FAM169A: variants seen among roughly 807,000 people sequenced by gnomAD.
FAM169A encodes the protein family with sequence similarity 169 member A.
Under a neutral mutation model 75.7 loss-of-function variants are expected in FAM169A, and 24 were observed. The observed-to-expected ratio is 0.32, with a 90% CI of 0.23 to 0.45. FAM169A has a LOEUF of 0.45. Ranked by LOEUF, FAM169A falls within the 20% of genes least tolerant of loss-of-function variation. The pLI, the probability that FAM169A is intolerant of heterozygous loss-of-function variation, is 1.00. For synonymous variants in FAM169A, 271 were observed against 271.0 expected, an observed-to-expected ratio of 1.00 and a Z score of 0.00; for missense variants, 673 against 784.0, an observed-to-expected ratio of 0.86 and a Z score of 1.69.
chr5:74,781,337 T>C lies in FAM169A; in HGVS notation c.*123A>G. The C allele has an allele frequency of 1.2e-6, 1 of 838,702 alleles. No homozygotes were observed. Among genetic ancestry groups the C allele is most frequent in the Non-Finnish European group, 1.9e-6 (1 of 536,652 alleles). 52.0% of individuals were successfully genotyped at this position (838,702 alleles called of 1,614,324 possible). On this transcript the variant is annotated 3_prime_UTR_variant, in exon 13 of 13. Coordinates refer to ENST00000687041, the MANE Select transcript of FAM169A (RefSeq NM_001376049.1). ...GGGAAGCAAAAAACTGCATAGTAAG[T>C]AAGTTCAAATTGAAATTTTGGAAAT... is the stretch of plus-strand genomic sequence containing the variant.
intron 6 of FAM169A, among the ~76,000 whole-genome samples, chr5:74,805,524 C>CTTTTTTTTTTTTTTTTTTTTTTTTTTT (rs1194674402): frequency 6.1e-5 from 5 of 81,934 alleles, no homozygotes; most frequent in African/African-American, 2.7e-4. Flanking sequence ...ATGTGCTTCG[C>CTTTTTTTTTTTTTTTTTTTTTTTTTTT]TTTTTTTTTT....
At chr5:74,795,351 T>C (rs1746215388) in intron 11 of FAM169A, among the ~76,000 whole-genome samples, 2 of 152,078 alleles carry the variant, frequency 1.3e-5, no homozygotes, top group South Asian at 4.2e-4. Flanking sequence ...TTTCAAGAAA[T>C]TTATGAACAT....
At chr5:74,794,409 T>C (rs1472314642) in intron 11 of FAM169A, among the ~76,000 whole-genome samples, 1 of 136,284 alleles carries the variant, frequency 7.3e-6, no homozygotes, top group African/African-American at 2.8e-5. Context: ...AAAAAAGAAA[T>C]ATTACGAAAA....
At position 74,781,129 on chromosome 5, in the gene FAM169A, T is replaced by C. The variant is rs1224734355; in HGVS notation, c.*331A>G. On this transcript the variant is annotated 3_prime_UTR_variant, in exon 13 of 13. Coordinates refer to ENST00000687041, the MANE Select transcript of FAM169A (RefSeq NM_001376049.1). Reference sequence around the variant, plus strand: ...CTGTGATCCTTATAAGTAATGGAAATCCTACTACTTTCACAGCTTTTTAAT... The same window carrying C: ...CTGTGATCCTTATAAGTAATGGAAACCCTACTACTTTCACAGCTTTTTAAT... The C allele has an allele frequency of 9.2e-6, 2 of 218,240 alleles. No homozygotes were observed. The highest frequency in any genetic ancestry group is 4.6e-5 in the African/African-American group (2 of 43,506). 13.5% of individuals were successfully genotyped at this position (218,240 alleles called of 1,614,324 possible).
intron 5 of FAM169A, among the ~76,000 whole-genome samples, chr5:74,823,287 C>T (rs1353995797): frequency 6.6e-6 from 1 of 152,142 alleles, no homozygotes; most frequent in Non-Finnish European, 1.5e-5. Context: ...ACTTTCATGA[C>T]TCTCTGCCTT....
At chr5:74,818,803 C>CTA (rs58520219) in intron 5 of FAM169A, among the ~76,000 whole-genome samples, 4,713 of 121,402 alleles carry the variant, frequency 0.039, 114 homozygotes, top group East Asian at 0.053. Context: ...CTCTCTCTCT[C>CTA]TATATATATA....
chr5:74,819,529 C>T (rs1747663347), intron 5 of FAM169A, among the ~76,000 whole-genome samples: 1 of 152,126 alleles, frequency 6.6e-6, no homozygotes. Flanking sequence ...ACCATATGAC[C>T]CAGCAATTCC....
At chr5:74,796,008 T>C (rs1746253443) in intron 11 of FAM169A, 22 bp downstream of exon 11, 1 of 1,597,122 alleles carries the variant, frequency 6.3e-7, no homozygotes, top group Non-Finnish European at 8.5e-7. Context: ...TTTTTCATTT[T>C]GCTGAATAAG....
At chr5:74,840,752 C>A (rs1436387609) in intron 2 of FAM169A, among the ~76,000 whole-genome samples, 3 of 151,192 alleles carry the variant, frequency 2.0e-5, no homozygotes, top group African/African-American at 7.3e-5. Flanking sequence ...TGGCGTGAAC[C>A]CAGGAGGCAG....
chr5:74,822,335 A>G (rs1051474570), intron 5 of FAM169A, among the ~76,000 whole-genome samples: 4 of 152,370 alleles, frequency 2.6e-5, no homozygotes, highest in Non-Finnish European at 5.9e-5. Flanking sequence ...CTAGTCACAC[A>G]GCCCCATGTA....
intron 11 of FAM169A, among the ~76,000 whole-genome samples, chr5:74,793,956 T>C (rs550611784): frequency 4.7e-5 from 7 of 147,510 alleles, no homozygotes; most frequent in Non-Finnish European, 7.5e-5. Flanking sequence ...TGAGCCGAGA[T>C]TGTGCCACTG....
intron 1 of FAM169A, among the ~76,000 whole-genome samples, chr5:74,855,566 G>T (rs1465099727): frequency 6.6e-6 from 1 of 152,004 alleles, no homozygotes; most frequent in Non-Finnish European, 1.5e-5. Flanking sequence ...ATACCAGTTT[G>T]CCGTTTGTAT....
At position 74,824,026 on chromosome 5, in the gene FAM169A, C is replaced by G. The variant is rs533756937; in HGVS notation, c.491-10007G>C. Among the ~76,000 whole-genome samples the G allele has an allele frequency of 3.9e-5, 6 of 152,196 alleles. No homozygotes were observed. In the South Asian group the frequency reaches 1.0e-3, roughly 26 times the overall value. On this transcript the variant is annotated intron_variant, in intron 5 of 12. Coordinates refer to ENST00000687041, the MANE Select transcript of FAM169A (RefSeq NM_001376049.1). ...ATGGATATAGCCCCTAGTAAAAGGT[C>G]TGGAAGCCACAAGGAAAGCTGACGA...
upstream of FAM169A, chr5:74,866,795 C>T: frequency 5.1e-6 from 5 of 985,556 alleles, no homozygotes; most frequent in South Asian, 1.4e-4. Flanking sequence ...TTCTCCAGCC[C>T]CGCGTAGGCC....
chr5:74,849,567 C>G (rs981972969), intron 1 of FAM169A, among the ~76,000 whole-genome samples: 2 of 152,074 alleles, frequency 1.3e-5, no homozygotes, highest in Admixed American at 1.3e-4. Flanking sequence ...TCTCCAACAC[C>G]GAGAATAGGT....
intron 12 of FAM169A, 40 bp from the exon 13 acceptor site, chr5:74,782,048 A>T (rs1745438817): frequency 6.8e-7 from 1 of 1,468,068 alleles, no homozygotes; most frequent in Admixed American, 2.0e-5. Flanking sequence ...AACTTGTACT[A>T]CAGTTCTAAA....
chr5:74,840,211 G>T, intron 2 of FAM169A, 38 bp from the exon 3 acceptor site: 1 of 921,226 alleles, frequency 1.1e-6, no homozygotes, highest in Non-Finnish European at 1.6e-6. Flanking sequence ...TGAACAGTCT[G>T]TTAAGAAAAT....
chr5:74,841,897 T>C (rs971590990), intron 1 of FAM169A, among the ~76,000 whole-genome samples: 6 of 152,064 alleles, frequency 3.9e-5, no homozygotes, highest in Non-Finnish European at 7.4e-5. Flanking sequence ...AAACAGGCAA[T>C]GAAATAAATT....
chr5:74,832,918 G>C (rs976539875), intron 5 of FAM169A, among the ~76,000 whole-genome samples: 1 of 151,954 alleles, frequency 6.6e-6, no homozygotes, highest in African/African-American at 2.4e-5. Context: ...GGGACTAAAA[G>C]TGGCAGATAC....
Sources: gnomAD v4.1 joint callset for allele counts (sites outside exome capture counted in the v4.1 genomes callset) on GRCh38, gnomAD v4.1.1 for gene constraint, MANE v1.5 for transcripts, NCBI Gene and HGNC (gene_info 2026-07-23, HGNC 2026-07-21) for gene names.